CNGB1: variants seen among roughly 807,000 people sequenced by gnomAD.
CNGB1 encodes the protein cyclic nucleotide-gated channel beta-1.
Under a neutral mutation model 151.7 loss-of-function variants are expected in CNGB1, and 126 were observed. The ratio of observed to expected loss-of-function variants is 0.83; its 90% CI spans 0.72 to 0.96. The LOEUF (loss-of-function observed/expected upper bound fraction) is 0.96, where lower values mean the gene tolerates loss of function less well. Ranked by LOEUF, CNGB1 falls within the 40% of genes least tolerant of loss-of-function variation. CNGB1 has a pLI of 0.00. For missense variants in CNGB1, 1,698 were observed against 1,627.0 expected (o/e 1.04, Z -0.75); for synonymous variants, 623 against 635.1 (o/e 0.98, Z 0.29).
chr16:57,939,740 C>T lies in CNGB1; in HGVS notation c.1210-148G>A, dbSNP rs1709621185. Reference sequence around the variant, plus strand: ...AGCCAGTCAGGTCCTGCCAGCCCACCTTCTGGGCATCCTGGGAGTAGCCTA... The same window carrying T: ...AGCCAGTCAGGTCCTGCCAGCCCACTTTCTGGGCATCCTGGGAGTAGCCTA... On this transcript the variant is annotated intron_variant, in intron 15 of 32. Coordinates refer to ENST00000251102, the MANE Select transcript of CNGB1 (RefSeq NM_001297.5). 3 of 1,096,662 alleles carry T rather than the reference C, an allele frequency of 2.7e-6. No individual in the cohort carries two copies. The South Asian group carries it at 3.8e-5, about 14-fold the overall frequency. The allele number at this position is 1,096,662 out of a possible 1,614,324, so 67.9% of individuals were successfully genotyped here. A position where few individuals can be genotyped will look rare whatever the true frequency, so the allele number is the denominator to read the frequency against.
chr16:57,960,939 A>T (rs750795056), intron 7 of CNGB1, 24 bp from the exon 8 acceptor site: 2 of 1,613,094 alleles, frequency 1.2e-6, no homozygotes, highest in Non-Finnish European at 1.7e-6. Context: ...AGTGATCAGC[A>T]GAGTGCCCTG....
intron 7 of CNGB1, among the ~76,000 whole-genome samples, chr16:57,962,090 C>T (rs553547637): frequency 3.0e-4 from 46 of 152,320 alleles, no homozygotes; most frequent in African/African-American, 1.0e-3. Flanking sequence ...GGCCCCTTCT[C>T]GGAGCTCCCT....
chr16:57,946,923 G>A lies in CNGB1; in HGVS notation c.1121+2430C>T, dbSNP rs531907787. ...GATGTTCACGCCTGCAGCATCTGCC[G>A]GTAACTCTGGATGCATGTGCATTTG... On this transcript the variant is annotated intron_variant, in intron 14 of 32. Transcript: ENST00000251102. Among the ~76,000 whole-genome samples, 21 of 152,354 alleles carry A rather than the reference G, an allele frequency of 1.4e-4. No individual in the cohort carries two copies. In the South Asian group the frequency reaches 1.7e-3, roughly 12 times the overall value.
rs1257614568 is a variant in CNGB1 at position 57,882,441 on chromosome 16, C to T, written c.*1723G>A. On this transcript the variant is annotated 3_prime_UTR_variant, in exon 33 of 33. Transcript: ENST00000251102. ...ATCAACTAGACAAATCTGTTTCTGA[C>T]TCTGGGGTTTGGAAATGCTTAGACC... is the stretch of plus-strand genomic sequence containing the variant. 1 of 152,002 alleles carries T rather than the reference C, an allele frequency of 6.6e-6. No individual in the cohort carries two copies. The highest frequency in any genetic ancestry group is 2.4e-5 in the African/African-American group (1 of 41,376). The allele number at this position is 152,002 out of a possible 1,614,324, so 9.4% of individuals were successfully genotyped here. A position where few individuals can be genotyped will look rare whatever the true frequency, so the allele number is the denominator to read the frequency against.
chr16:57,912,916 AG>A lies in CNGB1; in HGVS notation c.2369+13del, dbSNP rs1960769381. 1.9e-6 allele frequency: 3 copies of A among 1,613,562 alleles called. No homozygotes were observed. The highest frequency in any genetic ancestry group is 2.5e-6 in the Non-Finnish European group (3 of 1,179,572). On this transcript the variant is annotated intron_variant, in intron 24 of 32. Coordinates refer to ENST00000251102, the MANE Select transcript of CNGB1 (RefSeq NM_001297.5). ...TGTGTGTGTGCATGCATGCACATGC[AG>A]GGGGAGTCTCACCTGTACACGTAGG...
intron 12 of CNGB1, chr16:57,954,588 G>A (rs1035948152): frequency 3.8e-6 from 3 of 791,014 alleles, no homozygotes; most frequent in Non-Finnish European, 4.6e-6. Flanking sequence ...AACACCGCAA[G>A]CCCAGGGCTA....
intron 14 of CNGB1, among the ~76,000 whole-genome samples, chr16:57,945,811 G>A (rs548259925): frequency 6.6e-6 from 1 of 152,212 alleles, no homozygotes; most frequent in South Asian, 2.1e-4. Flanking sequence ...GAAAAAAATC[G>A]TAAGTCAAAT....
intron 25 of CNGB1, among the ~76,000 whole-genome samples, chr16:57,905,832 C>T (rs1473375058): frequency 5.3e-5 from 8 of 152,246 alleles, no homozygotes; most frequent in African/African-American, 1.9e-4. Flanking sequence ...CAGCCCTCAC[C>T]AGATGCCAGC....
In CNGB1 at chr16:57,963,118, C is replaced by A. The variant is rs1411276327; in HGVS notation, c.291-54G>T. ...CTCAACTTCCCCTAGCTCAATGAGG[C>A]CCTCGAGGCCCAAGACACTAGGTGA... On this transcript the variant is annotated intron_variant, in intron 4 of 32. Coordinates refer to ENST00000251102, the MANE Select transcript of CNGB1 (RefSeq NM_001297.5). 4 of 1,298,362 alleles carry A rather than the reference C, an allele frequency of 3.1e-6. No individual in the cohort carries two copies. In the East Asian group the frequency reaches 9.2e-5, roughly 30 times the overall value. The allele number at this position is 1,298,362 out of a possible 1,614,324, so 80.4% of individuals were successfully genotyped here.
At chr16:57,945,918 C>A (rs1026150184) in intron 14 of CNGB1, among the ~76,000 whole-genome samples, 3 of 152,200 alleles carry the variant, frequency 2.0e-5, no homozygotes, top group Non-Finnish European at 2.9e-5. Flanking sequence ...ATTGAGAAAC[C>A]TTTTGCACAA....
Position 57,962,607 on chromosome 16 carries a change from C to T in CNGB1, c.416G>A (p.Cys139Tyr), listed in dbSNP as rs751079854. The T allele has an allele frequency of 5.6e-6, 9 of 1,613,700 alleles. No individual in the cohort carries two copies. Among genetic ancestry groups the T allele is most frequent in the Admixed American group, 5.0e-5 (3 of 60,008 alleles). The change falls in exon 7 of 33, where the codon TGC becomes TAC. Residue 139 changes from cysteine (C) to tyrosine (Y), a missense_variant. By Grantham distance (194) the Cys-to-Tyr change is radical. Transcript: ENST00000251102. The part of the protein sequence containing the change: ...LGHGSTGDTG[C>Y]TDEPNEALEA... ...AAGGGCCTCATTGGGTTCATCTGTG[C>T]ACCCTGCAGGGTCAGAAAATACAGA...
rs747549690 is a variant in CNGB1, at chr16:57,915,348, T to C, written c.2218-13A>G. 2.5e-6 allele frequency: 4 copies of C among 1,593,042 alleles called. No homozygotes were observed. In the African/African-American group the frequency reaches 4.0e-5, roughly 16 times the overall value. The stretch of plus-strand genomic sequence containing the variant: ...TGAGCAGGTCCATCTGAAATCCCAG[T>C]GGGACACCATGGGGGTAAAACGGAT... On this transcript the variant is annotated splice_polypyrimidine_tract_variant and intron_variant, in intron 22 of 32. Coordinates refer to ENST00000251102, the MANE Select transcript of CNGB1 (RefSeq NM_001297.5).
At chr16:57,919,334 G>A (rs1320387388) in intron 19 of CNGB1, 80 bp from the exon 20 acceptor site, 2 of 1,610,692 alleles carry the variant, frequency 1.2e-6, no homozygotes, top group East Asian at 4.5e-5. Context: ...CCCAACTGCA[G>A]ACCTTGGATC....
In CNGB1 at chr16:57,904,849, A is replaced by G. The variant is rs761989122; in HGVS notation, c.2519T>C (p.Val840Ala). 1 of 1,614,210 alleles carries G rather than the reference A, an allele frequency of 6.2e-7. No homozygotes were observed. The highest frequency in any genetic ancestry group is 1.7e-5 in the Admixed American group (1 of 60,030). Residue 840 changes from valine (V) to alanine (A), a missense_variant, in exon 26 of 33, where the codon GTG (valine) becomes GCG (alanine). Coordinates refer to ENST00000251102, the MANE Select transcript of CNGB1 (RefSeq NM_001297.5). Reference protein sequence around the residue: ...NSYIRCYYFAVKTLITIGGLP... With the variant: ...NSYIRCYYFAAKTLITIGGLP... ...CCCCCCGATGGTGATGAGGGTCTTC[A>G]CAGCAAAGTAGTAACAGCGAATATA...
chr16:57,909,384 A>G lies in CNGB1; in HGVS notation c.2492+2369T>C, dbSNP rs534264291. Among the ~76,000 whole-genome samples, 159 of 152,316 alleles carry G rather than the reference A, an allele frequency of 1.0e-3. 1 individual carries two copies. The highest frequency in any genetic ancestry group is 3.8e-3 in the African/African-American group (157 of 41,582). ...ACTTTTAAATAAATTAAGTCTGTTCATTAAAATAATTTTCTAAACTTTTTT... is the reference window on the plus strand; with the variant it reads ...ACTTTTAAATAAATTAAGTCTGTTCGTTAAAATAATTTTCTAAACTTTTTT... On this transcript the variant is annotated intron_variant, in intron 25 of 32. Coordinates refer to ENST00000251102, the MANE Select transcript of CNGB1 (RefSeq NM_001297.5).
At position 57,884,096 on chromosome 16, in the gene CNGB1, C is replaced by A; in HGVS notation, c.*68G>T. The A allele has an allele frequency of 6.2e-7, 1 of 1,605,048 alleles. No homozygotes were observed. Among genetic ancestry groups the A allele is most frequent in the Non-Finnish European group, 8.5e-7 (1 of 1,172,380 alleles). Reference sequence around the variant, plus strand: ...CGTGGGGGAAGGTGGGGCGCTGGGGCGCAGGGGCGCAGCGGGCGCTGGGGA... The same window carrying A: ...CGTGGGGGAAGGTGGGGCGCTGGGGAGCAGGGGCGCAGCGGGCGCTGGGGA... On this transcript the variant is annotated 3_prime_UTR_variant, in exon 33 of 33. Transcript: ENST00000251102.
intron 31 of CNGB1, among the ~76,000 whole-genome samples, chr16:57,893,707 AG>A (rs1183539652): frequency 1.3e-5 from 2 of 152,150 alleles, no homozygotes; most frequent in Non-Finnish European, 2.9e-5. Context: ...TGGCTGAGGC[AG>A]GAGAATCGAA....
chr16:57,948,905 G>T (rs1371603239), intron 14 of CNGB1, among the ~76,000 whole-genome samples: 1 of 152,216 alleles, frequency 6.6e-6, no homozygotes, highest in East Asian at 1.9e-4. Context: ...ATCCAGGACA[G>T]CCCTAGAAGG....
intron 12 of CNGB1, among the ~76,000 whole-genome samples, chr16:57,957,110 C>A (rs1460307823): frequency 6.6e-6 from 1 of 152,208 alleles, no homozygotes; most frequent in Non-Finnish European, 1.5e-5. Flanking sequence ...CCGGGGGCCT[C>A]CAACCACCAT....
Sources: gnomAD v4.1 joint callset for allele counts (sites outside exome capture counted in the v4.1 genomes callset) on GRCh38, gnomAD v4.1.1 for gene constraint, MANE v1.5 for transcripts, NCBI Gene and HGNC (gene_info 2026-07-23, HGNC 2026-07-21) for gene names.